The following CNTNAP5 variants were observed in gnomAD, a reference collection of about 807,000 sequenced individuals.
The protein encoded by CNTNAP5 is contactin associated protein family member 5.
Under a neutral mutation model 150.2 loss-of-function variants are expected in CNTNAP5, and 72 were observed. That is an observed-to-expected ratio of 0.48 (90% CI 0.40 to 0.58). CNTNAP5 has a LOEUF of 0.58. Among genes scored for constraint, CNTNAP5 ranks in the 20% least tolerant of loss-of-function variants. CNTNAP5 has a pLI of 0.00. For synonymous variants in CNTNAP5, 672 were observed against 619.8 expected (o/e 1.08, Z -1.25); for missense variants, 1,636 against 1,626.2 (o/e 1.01, Z -0.10).
At chr2:124,221,621 G>A in intron 1 of CNTNAP5, 84 bp from the exon 2 acceptor site, 2 of 904,998 alleles carry the variant, frequency 2.2e-6, no homozygotes, top group Non-Finnish European at 3.5e-6. Context: ...AATGATGGTA[G>A]TTAATTTCTC....
At chr2:124,886,715 T>C (rs1224504787) in intron 21 of CNTNAP5, among the ~76,000 whole-genome samples, 1 of 152,084 alleles carries the variant, frequency 6.6e-6, no homozygotes, top group African/African-American at 2.4e-5. Flanking sequence ...AATAATCACA[T>C]GTAAACACAA....
intron 1 of CNTNAP5, among the ~76,000 whole-genome samples, chr2:124,182,141 A>G (rs1384891499): frequency 2.6e-5 from 4 of 152,184 alleles, no homozygotes; most frequent in African/African-American, 4.8e-5. Flanking sequence ...CACAATAATC[A>G]GAATTGGGAG....
chr2:124,677,254 T>C (rs983114041), intron 13 of CNTNAP5, among the ~76,000 whole-genome samples: 4 of 152,096 alleles, frequency 2.6e-5, no homozygotes, highest in Non-Finnish European at 5.9e-5. Flanking sequence ...GGGGTAGCTT[T>C]TTCCTCCCAG....
chr2:124,636,664 C>G lies in CNTNAP5; in HGVS notation c.1877-11094C>G, dbSNP rs573591834. 8.7e-5 allele frequency among the ~76,000 whole-genome samples: 13 copies of G among 149,110 alleles called. No individual in the cohort carries two copies. The South Asian group carries it at 1.5e-3, about 17-fold the overall frequency. ...TCTGTGTGTGTGTGTCTGTGTGTGTCTGTGTGTGTATGTGTTGGTGCTGTT... is the reference window on the plus strand; with the variant it reads ...TCTGTGTGTGTGTGTCTGTGTGTGTGTGTGTGTGTATGTGTTGGTGCTGTT... On this transcript the variant is annotated intron_variant, in intron 12 of 23. Transcript: ENST00000682447.
intron 11 of CNTNAP5, among the ~76,000 whole-genome samples, chr2:124,568,709 T>C (rs1265571565): frequency 2.6e-5 from 4 of 152,214 alleles, no homozygotes; most frequent in Non-Finnish European, 5.9e-5. Context: ...TGTTTCCAAA[T>C]ATTTATTATT....
chr2:124,168,121 C>T (rs975780026), intron 1 of CNTNAP5, among the ~76,000 whole-genome samples: 2 of 152,126 alleles, frequency 1.3e-5, no homozygotes, highest in African/African-American at 2.4e-5. Flanking sequence ...TATTAGTTAA[C>T]GTGATAAATG....
At chr2:124,419,952 C>CTTTCTTTCTT (rs1692049592) in intron 4 of CNTNAP5, among the ~76,000 whole-genome samples, 1 of 75,666 alleles carries the variant, frequency 1.3e-5, no homozygotes, top group Non-Finnish European at 2.6e-5. Context: ...TTCTTTCTTT[C>CTTTCTTTCTT]TTTCCTTTTC....
intron 11 of CNTNAP5, among the ~76,000 whole-genome samples, chr2:124,594,156 C>G (rs1254669466): frequency 3.0e-5 from 4 of 131,454 alleles, no homozygotes; most frequent in African/African-American, 1.1e-4. Context: ...TCCCATTTGT[C>G]AATTTTGGCT....
intron 7 of CNTNAP5, among the ~76,000 whole-genome samples, chr2:124,502,627 C>A (rs769407628): frequency 4.6e-5 from 7 of 152,192 alleles, no homozygotes; most frequent in Non-Finnish European, 5.9e-5. Context: ...AGCTTCTCTG[C>A]AGAGCATTTG....
chr2:124,839,043 G>T (rs1182625661), intron 19 of CNTNAP5, among the ~76,000 whole-genome samples: 1 of 151,950 alleles, frequency 6.6e-6, no homozygotes, highest in Non-Finnish European at 1.5e-5. Context: ...CAAAATTTAG[G>T]GTACTACGGA....
chr2:124,827,409 G>C (rs1160398007), intron 19 of CNTNAP5, among the ~76,000 whole-genome samples: 1 of 152,146 alleles, frequency 6.6e-6, no homozygotes, highest in Non-Finnish European at 1.5e-5. Context: ...GAGCAGCCAA[G>C]TCAGTGCACT....
At chr2:124,817,986 C>T (rs1413353154) in intron 19 of CNTNAP5, among the ~76,000 whole-genome samples, 1 of 152,194 alleles carries the variant, frequency 6.6e-6, no homozygotes, top group Non-Finnish European at 1.5e-5. Context: ...GACACATTCT[C>T]ACACACTGCA....
intron 11 of CNTNAP5, among the ~76,000 whole-genome samples, chr2:124,565,212 G>A (rs895785336): frequency 7.9e-5 from 12 of 152,182 alleles, no homozygotes; most frequent in Admixed American, 3.9e-4. Context: ...TGGTCATCAG[G>A]GAGTGATGTG....
chr2:124,852,909 G>T (rs1202217757), intron 19 of CNTNAP5, among the ~76,000 whole-genome samples: 1 of 152,190 alleles, frequency 6.6e-6, no homozygotes, highest in Non-Finnish European at 1.5e-5. Flanking sequence ...ATTTTAACCT[G>T]AGCAGCCAGC....
chr2:124,649,424 A>G (rs1170813139), intron 13 of CNTNAP5, among the ~76,000 whole-genome samples: 1 of 151,986 alleles, frequency 6.6e-6, no homozygotes, highest in Non-Finnish European at 1.5e-5. Flanking sequence ...CCCTCTTCTC[A>G]TTGCGTTGTT....
chr2:124,283,334 G>A, intron 3 of CNTNAP5, among the ~76,000 whole-genome samples: 1 of 152,194 alleles, frequency 6.6e-6, no homozygotes, highest in African/African-American at 2.4e-5. Context: ...TGATGCTGTT[G>A]GGAGGTTAAG....
chr2:124,040,014 A>G (rs185797271), intron 1 of CNTNAP5, among the ~76,000 whole-genome samples: 4 of 152,234 alleles, frequency 2.6e-5, no homozygotes, highest in Admixed American at 2.6e-4. Context: ...CTTAGGTGTC[A>G]CCTTTGTGAA....
intron 9 of CNTNAP5, among the ~76,000 whole-genome samples, 192 bp from the exon 10 acceptor site, chr2:124,527,093 G>A (rs1449118794): frequency 6.6e-6 from 1 of 152,102 alleles, no homozygotes. Flanking sequence ...CTACAGTGAT[G>A]GAGTATACCC....
At chr2:124,591,218 G>T (rs1247322496) in intron 11 of CNTNAP5, among the ~76,000 whole-genome samples, 1 of 152,102 alleles carries the variant, frequency 6.6e-6, no homozygotes, top group Non-Finnish European at 1.5e-5. Context: ...TACTGATAAT[G>T]TTTATTTTGC....
Sources: allele counts gnomAD v4.1 joint callset (sites outside exome capture counted in the v4.1 genomes callset), GRCh38; gene constraint gnomAD v4.1.1; transcripts MANE v1.5; gene names NCBI Gene and HGNC (gene_info 2026-07-23, HGNC 2026-07-21).